Variants in SASH1 observed in about 807,000 individuals in gnomAD.
The protein encoded by SASH1 is SAM and SH3 domain containing 1.
In SASH1, 44 loss-of-function variants were observed where a neutral mutation model predicts 125.2. That is an observed-to-expected ratio of 0.35 (90% CI 0.28 to 0.45). SASH1 has a LOEUF of 0.45. SASH1 is among the 20% of genes least tolerant of loss of function. The pLI, the probability that SASH1 is intolerant of heterozygous loss-of-function variation, is 1.00. For missense variants in SASH1, 1,426 were observed against 1,614.5 expected (o/e 0.88, Z 2.00); for synonymous variants, 639 against 649.1 (o/e 0.98, Z 0.24).
upstream of SASH1, among the ~76,000 whole-genome samples, chr6:148,341,339 T>A (rs1432572366): frequency 3.2e-4 from 48 of 148,320 alleles, 2 homozygotes. Flanking sequence ...TGTTTTTTTT[T>A]TTTTTGTATT....
intron 1 of SASH1, among the ~76,000 whole-genome samples, chr6:148,284,323 C>T (rs1429091951): frequency 6.6e-6 from 1 of 152,084 alleles, no homozygotes; most frequent in African/African-American, 2.4e-5. Flanking sequence ...CCTATAGTCC[C>T]AGCTACTCAG....
At chr6:148,365,860 C>G (rs1782427358) in intron 1 of SASH1, among the ~76,000 whole-genome samples, 1 of 152,072 alleles carries the variant, frequency 6.6e-6, no homozygotes, top group South Asian at 2.1e-4. Flanking sequence ...TGCCTGTAAT[C>G]CCAGCACTTT....
intron 1 of SASH1, among the ~76,000 whole-genome samples, chr6:148,365,087 C>G (rs1403744585): frequency 6.6e-6 from 1 of 151,214 alleles, no homozygotes; most frequent in East Asian, 1.9e-4. Flanking sequence ...CGTGCCACTG[C>G]ACTCCAGCCT....
At chr6:148,427,562 C>G (rs1737669) in intron 2 of SASH1, among the ~76,000 whole-genome samples, 30,618 of 151,932 alleles carry the variant, frequency 0.2, 3,976 homozygotes, top group African/African-American at 0.37. Flanking sequence ...GGTATGCACT[C>G]AACATTGGTA....
chr6:148,540,671 T>C (rs1042669277), intron 17 of SASH1, 115 bp downstream of exon 17: 7 of 766,158 alleles, frequency 9.1e-6, no homozygotes, highest in African/African-American at 5.2e-5. Context: ...CATCGTTTCC[T>C]TTCTCACCTC....
chr6:148,547,810 T>C (rs1296766438), intron 19 of SASH1, among the ~76,000 whole-genome samples: 1 of 152,228 alleles, frequency 6.6e-6, no homozygotes, highest in Non-Finnish European at 1.5e-5. Context: ...CTTGATATTA[T>C]TGTATTTTAA....
At chr6:148,374,707 G>C (rs375994665) in intron 1 of SASH1, among the ~76,000 whole-genome samples, 7 of 150,974 alleles carry the variant, frequency 4.6e-5, no homozygotes, top group East Asian at 4.0e-4. Flanking sequence ...TTTTTTTTGG[G>C]GGGGGGGGAG....
intron 1 of SASH1, among the ~76,000 whole-genome samples, chr6:148,376,395 A>G (rs1377414483): frequency 6.6e-6 from 1 of 152,058 alleles, no homozygotes; most frequent in Non-Finnish European, 1.5e-5. Flanking sequence ...GAAAGACACT[A>G]TCCAACTGGT....
chr6:148,436,462 G>A (rs1413466556), intron 2 of SASH1, among the ~76,000 whole-genome samples: 1 of 151,904 alleles, frequency 6.6e-6, no homozygotes, highest in African/African-American at 2.4e-5. Flanking sequence ...CCATGATCTC[G>A]CCACTGAATT....
intron 1 of SASH1, among the ~76,000 whole-genome samples, chr6:148,367,262 A>T (rs1241679182): frequency 3.3e-5 from 5 of 152,128 alleles, no homozygotes; most frequent in Admixed American, 3.3e-4. Context: ...GTTGGTGCAA[A>T]AGTAATCGCG....
intron 4 of SASH1, among the ~76,000 whole-genome samples, chr6:148,444,389 C>T (rs1776688901): frequency 6.6e-6 from 1 of 152,206 alleles, no homozygotes; most frequent in South Asian, 2.1e-4. Context: ...AGATTTCCGA[C>T]ATACCTGGCA....
At chr6:148,467,088 CTTTTTTTT>C (rs71004298) in intron 4 of SASH1, among the ~76,000 whole-genome samples, 1,061 of 70,016 alleles carry the variant, frequency 0.015, 19 homozygotes, top group African/African-American at 0.062. Context: ...TTCCCTGTTC[CTTTTTTTT>C]TTTTTTTTTT....
chr6:148,210,450 T>C, the SASH1 span, among the ~76,000 whole-genome samples: 1 of 152,170 alleles, frequency 6.6e-6, no homozygotes, highest in African/African-American at 2.4e-5. Context: ...GGAGAATTGC[T>C]TGGACCCAGG....
In SASH1 at chr6:148,548,809, G is replaced by A. The variant is rs1308399012; in HGVS notation, c.*251G>A. ...AGACAAGCACTTATTTTTATTTTCAGAAGACAAAAGAACCAAGATGCCAAC... is the reference window on the plus strand; with the variant it reads ...AGACAAGCACTTATTTTTATTTTCAAAAGACAAAAGAACCAAGATGCCAAC... On this transcript the variant is annotated 3_prime_UTR_variant, in exon 20 of 20. Coordinates refer to ENST00000367467, the MANE Select transcript of SASH1 (RefSeq NM_015278.5). 3 of 408,934 alleles carry A rather than the reference G, an allele frequency of 7.3e-6. No homozygotes were observed. The highest frequency in any genetic ancestry group is 2.0e-5 in the African/African-American group (1 of 49,600). The allele number at this position is 408,934 out of a possible 1,614,324, so 25.3% of individuals were successfully genotyped here.
chr6:148,383,315 T>A (rs113043662), intron 1 of SASH1, among the ~76,000 whole-genome samples: 3 of 152,346 alleles, frequency 2.0e-5, no homozygotes, highest in African/African-American at 7.2e-5. Flanking sequence ...TTTCTTTTTT[T>A]AATGGATTTA....
At chr6:148,249,035 C>T in the SASH1 span, among the ~76,000 whole-genome samples, 1 of 151,940 alleles carries the variant, frequency 6.6e-6, no homozygotes, top group African/African-American at 2.4e-5. Context: ...TAGTATAGAA[C>T]CTGGCTCACA....
chr6:148,247,348 T>C, the SASH1 span, among the ~76,000 whole-genome samples: 1 of 152,088 alleles, frequency 6.6e-6, no homozygotes, highest in Non-Finnish European at 1.5e-5. Flanking sequence ...TAGAAGAAAT[T>C]AAGGTTCGAT....
intron 8 of SASH1, among the ~76,000 whole-genome samples, chr6:148,511,011 A>G (rs1333430161): frequency 6.6e-6 from 1 of 151,512 alleles, no homozygotes; most frequent in Admixed American, 6.6e-5. Flanking sequence ...AAAAAAAAAA[A>G]AAGAAAGACA....
intron 8 of SASH1, chr6:148,513,968 C>A: frequency 1.0e-6 from 1 of 1,003,574 alleles, no homozygotes; most frequent in Non-Finnish European, 1.2e-6. Flanking sequence ...CTGGCCCAAA[C>A]CACAGCAGTG....
Sources: gnomAD v4.1 joint callset for allele counts (sites outside exome capture counted in the v4.1 genomes callset) on GRCh38, gnomAD v4.1.1 for gene constraint, MANE v1.5 for transcripts, NCBI Gene and HGNC (gene_info 2026-07-23, HGNC 2026-07-21) for gene names.